RBFOX2: variants seen among roughly 807,000 people sequenced by gnomAD.
RBFOX2 encodes RNA binding protein fox-1 homolog 2.
Under a neutral mutation model 49.1 loss-of-function variants are expected in RBFOX2, and 10 were observed. The ratio of observed to expected loss-of-function variants is 0.20; its 90% CI spans 0.13 to 0.35. The LOEUF is 0.35. RBFOX2 is among the 10% of genes least tolerant of loss of function. The pLI is 1.00. For synonymous variants in RBFOX2, 183 were observed against 187.4 expected, an observed-to-expected ratio of 0.98 and a Z score of 0.19; for missense variants, 323 against 486.9, an observed-to-expected ratio of 0.66 and a Z score of 3.17.
rs1350213033 is a variant in RBFOX2, at chr22:36,021,906, G to A, written c.186+6334C>T. ...TAAGCTGCCTGCTTGTATTGGGGTT[G>A]TAGAGGAGAATAAGAAGAAACTCAA... On this transcript the variant is annotated intron_variant, in intron 1 of 13. Transcript: ENST00000438146. Among the ~76,000 whole-genome samples the A allele has an allele frequency of 5.9e-5, 9 of 152,162 alleles. No homozygotes were observed. In the East Asian group the frequency reaches 1.7e-3, roughly 29 times the overall value.
At chr22:35,932,316 A>G (rs1234322415) in intron 1 of RBFOX2, among the ~76,000 whole-genome samples, 1 of 152,162 alleles carries the variant, frequency 6.6e-6, no homozygotes, top group Non-Finnish European at 1.5e-5. Context: ...AAAACTGGTT[A>G]GAAAAAAGAA....
At chr22:35,975,205 T>C (rs1232612941) in intron 1 of RBFOX2, among the ~76,000 whole-genome samples, 4 of 152,208 alleles carry the variant, frequency 2.6e-5, no homozygotes, top group Non-Finnish European at 4.4e-5. Context: ...GTGCATACAA[T>C]CAATTTCTGC....
intron 3 of RBFOX2, among the ~76,000 whole-genome samples, 155 bp downstream of exon 4, chr22:35,781,445 A>C (rs911837545): frequency 2.0e-5 from 3 of 152,198 alleles, no homozygotes; most frequent in African/African-American, 7.2e-5. Flanking sequence ...GGATGACAGA[A>C]AAAGGCTTCT....
chr22:35,826,677 G>A (rs1055879400), intron 1 of RBFOX2, among the ~76,000 whole-genome samples: 2 of 152,062 alleles, frequency 1.3e-5, no homozygotes, highest in African/African-American at 2.4e-5. Flanking sequence ...TATCCACAGG[G>A]CATATGCTCC....
chr22:35,770,252 AATATC>A (rs1205981937), intron 4 of RBFOX2, among the ~76,000 whole-genome samples: 1 of 152,180 alleles, frequency 6.6e-6, no homozygotes, highest in African/African-American at 2.4e-5. Flanking sequence ...GATGAGTTTT[AATATC>A]ACACTTTAAG....
intron 1 of RBFOX2, among the ~76,000 whole-genome samples, chr22:35,884,240 G>A (rs185212204): frequency 2.0e-4 from 30 of 152,088 alleles, no homozygotes; most frequent in Admixed American, 5.9e-4. Context: ...CAAGCGATCC[G>A]CCTGCCTCGG....
intron 1 of RBFOX2, among the ~76,000 whole-genome samples, chr22:35,815,486 T>C (rs532806313): frequency 6.6e-6 from 1 of 152,332 alleles, no homozygotes; most frequent in South Asian, 2.1e-4. Context: ...TTCTCATTTA[T>C]TCCTCAACTT....
intron 1 of RBFOX2, among the ~76,000 whole-genome samples, chr22:35,930,299 G>C (rs1013532057): frequency 2.0e-5 from 3 of 151,898 alleles, no homozygotes; most frequent in Admixed American, 1.3e-4. Flanking sequence ...GGGATTACAG[G>C]CGTGAGCCAC....
intron 1 of RBFOX2, among the ~76,000 whole-genome samples, chr22:35,905,507 A>G (rs1303312479): frequency 2.0e-5 from 3 of 152,244 alleles, no homozygotes; most frequent in African/African-American, 7.2e-5. Flanking sequence ...TTTATTTCTG[A>G]AATGACTGAA....
intron 2 of RBFOX2, among the ~76,000 whole-genome samples, chr22:35,801,292 A>G (rs531194894): frequency 8.5e-5 from 13 of 152,286 alleles, no homozygotes; most frequent in South Asian, 2.1e-4. Context: ...TTTTTAATTG[A>G]TGAGTAATCA....
rs183836089 is a variant in RBFOX2, at chr22:35,985,217, G to A, written c.186+43023C>T. 2.0e-5 allele frequency among the ~76,000 whole-genome samples: 3 copies of A among 152,286 alleles called. No individual in the cohort carries two copies. In the East Asian group the frequency reaches 5.8e-4, roughly 29 times the overall value. The stretch of plus-strand genomic sequence containing the variant: ...ATTTTGAATGAACAACAAAAAAAGA[G>A]TAAGAAAGGCAAAAGTAAAATACTA... On this transcript the variant is annotated intron_variant, in intron 1 of 13. Transcript: ENST00000438146.
At chr22:35,844,102 TC>T (rs1371395906), upstream of RBFOX2, among the ~76,000 whole-genome samples, 13 of 152,300 alleles carry the variant, frequency 8.5e-5, no homozygotes, top group Non-Finnish European at 1.5e-5. Context: ...ACTTCAGAAA[TC>T]CCCTACTCCA....
chr22:35,860,632 T>C (rs2042996458), intron 1 of RBFOX2, among the ~76,000 whole-genome samples: 1 of 152,202 alleles, frequency 6.6e-6, no homozygotes, highest in South Asian at 2.1e-4. Context: ...TCCTGCAACT[T>C]TGTTTTCCTT....
chr22:35,856,795 G>C (rs1340668992), intron 1 of RBFOX2, among the ~76,000 whole-genome samples: 2 of 152,148 alleles, frequency 1.3e-5, no homozygotes, highest in Non-Finnish European at 2.9e-5. Flanking sequence ...CACTTTGGGA[G>C]GCTGAGGCGG....
chr22:35,745,242 T>C (rs967398108), intron 11 of RBFOX2, among the ~76,000 whole-genome samples: 1 of 152,184 alleles, frequency 6.6e-6, no homozygotes, highest in Non-Finnish European at 1.5e-5. Context: ...GGTGTCACTG[T>C]GGAATGGCCT....
At chr22:35,981,679 T>C (rs1272243805) in intron 1 of RBFOX2, among the ~76,000 whole-genome samples, 1 of 151,444 alleles carries the variant, frequency 6.6e-6, no homozygotes, top group African/African-American at 2.4e-5. Flanking sequence ...AATTTAAAAA[T>C]ATAAGCATTC....
chr22:35,942,027 T>C (rs937913025), upstream of RBFOX2, among the ~76,000 whole-genome samples: 4 of 152,230 alleles, frequency 2.6e-5, no homozygotes, highest in Non-Finnish European at 4.4e-5. Flanking sequence ...CTCAATACTA[T>C]GTAAGATTCA....
At chr22:35,752,572 C>A in intron 9 of RBFOX2, 1 of 952,066 alleles carries the variant, frequency 1.1e-6, no homozygotes, top group African/African-American at 1.8e-5. Context: ...TCACTGCAAT[C>A]CACAATCTGA....
chr22:35,777,380 C>G (rs1489597229), intron 4 of RBFOX2, among the ~76,000 whole-genome samples: 2 of 152,140 alleles, frequency 1.3e-5, no homozygotes, highest in East Asian at 1.9e-4. Context: ...GGAAAATACA[C>G]ACGTAAAAGT....
Sources: gnomAD v4.1 joint callset for allele counts (sites outside exome capture counted in the v4.1 genomes callset) on GRCh38, gnomAD v4.1.1 for gene constraint, MANE v1.5 for transcripts, NCBI Gene and HGNC (gene_info 2026-07-23, HGNC 2026-07-21) for gene names.